Variants in NALCN observed in about 807,000 individuals in gnomAD.
NALCN encodes sodium leak channel NALCN.
Under a neutral mutation model 225.3 loss-of-function variants are expected in NALCN, and 111 were observed. The observed-to-expected ratio is 0.49, with a 90% CI of 0.42 to 0.58. The LOEUF (loss-of-function observed/expected upper bound fraction) is 0.58. NALCN is among the 20% of genes least tolerant of loss of function. NALCN has a pLI of 0.00. For synonymous variants in NALCN, 764 were observed against 769.0 expected, an observed-to-expected ratio of 0.99 and a Z score of 0.11; for missense variants, 1,378 against 2,202.4, an observed-to-expected ratio of 0.63 and a Z score of 7.49.
At chr13:101,241,621 T>C (rs2041761807) in intron 11 of NALCN, among the ~76,000 whole-genome samples, 1 of 152,030 alleles carries the variant, frequency 6.6e-6, no homozygotes, top group South Asian at 2.1e-4. Flanking sequence ...TTTTGTATGT[T>C]TAGTAGAGAT....
rs375699504 is a variant in NALCN, at chr13:101,195,567, T to C, written c.1627-3513A>G. The stretch of plus-strand genomic sequence containing the variant: ...TTGGCTGTTTAAATCAGTTTAAATC[T>C]GAAATTTATTTTGGTATAAGTAATG... On this transcript the variant is annotated intron_variant, in intron 13 of 43. Coordinates refer to ENST00000251127, the MANE Select transcript of NALCN (RefSeq NM_052867.4). Among the ~76,000 whole-genome samples the C allele has an allele frequency of 6.9e-4, 105 of 152,384 alleles. 1 individual carries two copies. In the Middle Eastern group the frequency reaches 0.024, roughly 35 times the overall value.
intron 10 of NALCN, among the ~76,000 whole-genome samples, chr13:101,273,463 AAAG>A (rs1433574398): frequency 6.6e-6 from 1 of 152,200 alleles, no homozygotes; most frequent in Non-Finnish European, 1.5e-5. Context: ...ATACCACATA[AAAG>A]AATTGCCTTA....
At chr13:101,180,533 T>C (rs1490326736) in intron 14 of NALCN, 1 of 156,944 alleles carries the variant, frequency 6.4e-6, no homozygotes, top group Non-Finnish European at 1.4e-5. Flanking sequence ...TGGGCTGTTG[T>C]TCCCACAACA....
chr13:101,135,499 A>C (rs913428619), intron 17 of NALCN, among the ~76,000 whole-genome samples: 5 of 152,292 alleles, frequency 3.3e-5, no homozygotes, highest in African/African-American at 9.6e-5. Flanking sequence ...CCTGGGCTCA[A>C]GCAATTCTCA....
chr13:101,354,886 T>C (rs1055090676), intron 6 of NALCN, among the ~76,000 whole-genome samples: 7 of 152,162 alleles, frequency 4.6e-5, no homozygotes, highest in Admixed American at 3.3e-4. Context: ...TATTTGTCCT[T>C]GCGCAAATCT....
intron 9 of NALCN, among the ~76,000 whole-genome samples, chr13:101,285,006 T>C (rs1035882246): frequency 2.0e-5 from 3 of 152,214 alleles, no homozygotes; most frequent in African/African-American, 7.2e-5. Context: ...CTACAAGTGC[T>C]CACTGTTTCA....
chr13:101,290,886 T>C (rs2043527679), intron 9 of NALCN, among the ~76,000 whole-genome samples: 1 of 152,236 alleles, frequency 6.6e-6, no homozygotes, highest in Admixed American at 6.5e-5. Flanking sequence ...TATCATTTTA[T>C]TCCTGATTCT....
chr13:101,232,491 G>A (rs2041387747), intron 12 of NALCN, among the ~76,000 whole-genome samples: 1 of 150,714 alleles, frequency 6.6e-6, no homozygotes, highest in African/African-American at 2.4e-5. Context: ...TGTCGCCCAG[G>A]CTGGAGTGTA....
At chr13:101,403,060 A>AT (rs1399523420) in intron 1 of NALCN, among the ~76,000 whole-genome samples, 2 of 138,828 alleles carry the variant, frequency 1.4e-5, no homozygotes, top group African/African-American at 5.9e-5. Context: ...TCTTTTATAT[A>AT]AAAAAAAATC....
intron 7 of NALCN, among the ~76,000 whole-genome samples, chr13:101,330,817 C>G (rs185214965): frequency 6.6e-6 from 1 of 152,112 alleles, no homozygotes; most frequent in African/African-American, 2.4e-5. Context: ...CAAGATCTGA[C>G]GGTTTTATAA....
At chr13:101,285,897 A>G (rs1412512810) in intron 9 of NALCN, among the ~76,000 whole-genome samples, 1 of 152,110 alleles carries the variant, frequency 6.6e-6, no homozygotes, top group Non-Finnish European at 1.5e-5. Flanking sequence ...GATACATCCT[A>G]TACTCTCTAA....
At chr13:101,271,017 T>A in intron 10 of NALCN, among the ~76,000 whole-genome samples, 1 of 152,188 alleles carries the variant, frequency 6.6e-6, no homozygotes, top group Non-Finnish European at 1.5e-5. Context: ...TTGTAAACAT[T>A]CAAGAGTTAT....
intron 13 of NALCN, among the ~76,000 whole-genome samples, chr13:101,216,975 ACT>A: frequency 6.6e-6 from 1 of 152,178 alleles, no homozygotes; most frequent in Non-Finnish European, 1.5e-5. Context: ...ATAATATATT[ACT>A]TAGAAATAAA....
At chr13:101,106,904 T>C (rs2035144509) in intron 22 of NALCN, among the ~76,000 whole-genome samples, 2 of 152,236 alleles carry the variant, frequency 1.3e-5, no homozygotes, top group Admixed American at 1.3e-4. Context: ...TTCATCCATT[T>C]GTTGCCTGTC....
intron 15 of NALCN, among the ~76,000 whole-genome samples, chr13:101,146,093 T>C (rs1376222653): frequency 3.3e-5 from 5 of 152,216 alleles, no homozygotes; most frequent in Admixed American, 3.3e-4. Flanking sequence ...TTCAATATGA[T>C]GGATGACTCA....
At chr13:101,091,222 C>T (rs555721207) in intron 28 of NALCN, among the ~76,000 whole-genome samples, 10 of 152,206 alleles carry the variant, frequency 6.6e-5, no homozygotes, top group East Asian at 5.8e-4. Flanking sequence ...AACTGAGCTC[C>T]GGACCACTGA....
In NALCN at chr13:101,104,786, A is replaced by T; in HGVS notation, c.2636+108T>A. The T allele has an allele frequency of 3.3e-6, 5 of 1,533,270 alleles. No individual in the cohort carries two copies. The East Asian group carries it at 9.1e-5, about 28-fold the overall frequency. The allele number at this position is 1,533,270 out of a possible 1,614,324, so 95.0% of individuals were successfully genotyped here. ...ATCATTCCCCAATCATCTATTTCAT[A>T]GCACTATATAGCAAGAAAATAAAAG... On this transcript the variant is annotated intron_variant, in intron 23 of 43. Coordinates refer to ENST00000251127, the MANE Select transcript of NALCN (RefSeq NM_052867.4). The surrounding 1 kb of genome is among the most constrained non-coding windows in gnomAD (Gnocchi z 4.2).
At chr13:101,196,867 G>C (rs755697067) in intron 13 of NALCN, among the ~76,000 whole-genome samples, 59 of 152,072 alleles carry the variant, frequency 3.9e-4, no homozygotes, top group Admixed American at 8.5e-4. Context: ...TTCTCTGTAT[G>C]GGCGAATAGG....
intron 10 of NALCN, among the ~76,000 whole-genome samples, chr13:101,266,365 T>A (rs577699775): frequency 2.0e-5 from 3 of 152,180 alleles, no homozygotes; most frequent in Non-Finnish European, 4.4e-5. Flanking sequence ...CTATCTTATC[T>A]TTTTTTGTGG....
Sources: allele counts gnomAD v4.1 joint callset (sites outside exome capture counted in the v4.1 genomes callset), GRCh38; gene constraint gnomAD v4.1.1; non-coding constraint Gnocchi (gnomAD v3.1); transcripts MANE v1.5; gene names NCBI Gene and HGNC (gene_info 2026-07-23, HGNC 2026-07-21).